ERBIN: variants seen among roughly 807,000 people sequenced by gnomAD.
The protein encoded by ERBIN is densin-180-like protein.
A neutral mutation model predicts 158.4 loss-of-function variants in ERBIN; 60 were observed. The observed-to-expected ratio is 0.38, with a 90% confidence interval of 0.31 to 0.47. The LOEUF (loss-of-function observed/expected upper bound fraction) is 0.47, where lower values mean the gene tolerates loss of function less well. ERBIN is among the 20% of genes least tolerant of loss of function. The pLI is 0.99. For missense variants in ERBIN, 1,610 were observed against 1,648.0 expected (o/e 0.98, Z 0.40); for synonymous variants, 594 against 557.2 (o/e 1.07, Z -0.93).
intron 25 of ERBIN, among the ~76,000 whole-genome samples, chr5:66,077,883 G>GT (rs201570645): frequency 0.017 from 2,658 of 151,942 alleles, 80 homozygotes; most frequent in African/African-American, 0.061. Flanking sequence ...GACTGAGCAA[G>GT]TTACTTTGCC....
At position 65,935,552 on chromosome 5, in the gene ERBIN, C is replaced by T. The variant is rs148217967; in HGVS notation, c.-58+8746C>T. ...ACTGTAAAAAGGCAAGTTTTAATTC[C>T]GTGATAAAGTACATTTATGTGAAAT... On this transcript the variant is annotated intron_variant, in intron 1 of 25. Coordinates refer to ENST00000284037, the MANE Select transcript of ERBIN (RefSeq NM_001253697.2). Among the ~76,000 whole-genome samples, 9 of 152,172 alleles carry T rather than the reference C, an allele frequency of 5.9e-5. No homozygotes were observed. The East Asian group carries it at 1.4e-3, about 23-fold the overall frequency.
At chr5:65,929,001 C>G (rs1289559033) in intron 1 of ERBIN, among the ~76,000 whole-genome samples, 1 of 152,150 alleles carries the variant, frequency 6.6e-6, no homozygotes, top group East Asian at 1.9e-4. Flanking sequence ...CTTAAAGGCT[C>G]TGTTTATTGA....
At chr5:66,013,114 G>A (rs1292888444) in intron 5 of ERBIN, among the ~76,000 whole-genome samples, 3 of 152,140 alleles carry the variant, frequency 2.0e-5, no homozygotes, top group African/African-American at 7.2e-5. Context: ...ACATCCTATA[G>A]TGCACAGGGC....
At position 66,080,966 on chromosome 5, in the gene ERBIN, A is replaced by G. The variant is rs1461735478; in HGVS notation, c.*2436A>G. On this transcript the variant is annotated 3_prime_UTR_variant, in exon 26 of 26. Coordinates refer to ENST00000284037, the MANE Select transcript of ERBIN (RefSeq NM_001253697.2). ...AATTAAATGACAAGGACTTTGAATT[A>G]GAATTTTGCTGTAATAAAGTTTCAA... 6.6e-6 allele frequency: 1 copy of G among 152,090 alleles called. No homozygotes were observed. Among genetic ancestry groups the G allele is most frequent in the Non-Finnish European group, 1.5e-5 (1 of 67,910 alleles). 9.4% of individuals were successfully genotyped at this position (152,090 alleles called of 1,614,324 possible).
At chr5:65,977,332 C>CG (rs1054067585) in intron 1 of ERBIN, among the ~76,000 whole-genome samples, 3 of 103,094 alleles carry the variant, frequency 2.9e-5, no homozygotes, top group Non-Finnish European at 6.5e-5. Context: ...AGGTGGCTGC[C>CG]GGGCGGAGAT....
intron 14 of ERBIN, among the ~76,000 whole-genome samples, chr5:66,032,023 G>GA (rs141762105): frequency 3.3e-5 from 5 of 149,432 alleles, no homozygotes; most frequent in South Asian, 2.1e-4. Context: ...AAGATTTAAA[G>GA]AAAAAAAAAG....
chr5:66,062,075 A>T (rs935576937), intron 21 of ERBIN, among the ~76,000 whole-genome samples: 4 of 151,768 alleles, frequency 2.6e-5, no homozygotes, highest in Non-Finnish European at 5.9e-5. Context: ...TATTTCCTGA[A>T]TTTGAATGTT....
intron 1 of ERBIN, among the ~76,000 whole-genome samples, chr5:65,965,952 C>A (rs1748571770): frequency 6.6e-6 from 1 of 152,182 alleles, no homozygotes; most frequent in Non-Finnish European, 1.5e-5. Flanking sequence ...GAAGCATCAT[C>A]ACATGCAAAT....
intron 14 of ERBIN, among the ~76,000 whole-genome samples, chr5:66,030,871 T>G (rs966260863): frequency 6.6e-6 from 1 of 152,158 alleles, no homozygotes; most frequent in South Asian, 2.1e-4. Flanking sequence ...ATGCCTGGCC[T>G]GCAGTAGCAC....
intron 14 of ERBIN, 94 bp downstream of exon 14, chr5:66,028,437 A>G: frequency 1.2e-6 from 1 of 862,768 alleles, no homozygotes; most frequent in South Asian, 1.6e-5. Context: ...GAGCAGCTAT[A>G]CATGTGGTAC....
intron 1 of ERBIN, among the ~76,000 whole-genome samples, chr5:65,946,629 T>G (rs1745781667): frequency 6.6e-6 from 1 of 152,162 alleles, no homozygotes; most frequent in African/African-American, 2.4e-5. Flanking sequence ...AACATCCCAG[T>G]TTTCACTGGG....
chr5:66,067,709 C>T (rs1224122919), intron 21 of ERBIN, among the ~76,000 whole-genome samples: 1 of 152,044 alleles, frequency 6.6e-6, no homozygotes, highest in East Asian at 1.9e-4. Context: ...GAAAATTTGC[C>T]ACACATTTTC....
intron 1 of ERBIN, among the ~76,000 whole-genome samples, chr5:65,978,033 C>A (rs1255852472): frequency 6.6e-6 from 1 of 152,008 alleles, no homozygotes; most frequent in African/African-American, 2.4e-5. Context: ...GATTTAATTT[C>A]CCTGTCATAT....
At chr5:66,037,227 G>A (rs542797503) in intron 14 of ERBIN, among the ~76,000 whole-genome samples, 1 of 151,946 alleles carries the variant, frequency 6.6e-6, no homozygotes, top group African/African-American at 2.4e-5. Flanking sequence ...GGAAAAATTT[G>A]GTGTAAAAGA....
intron 1 of ERBIN, among the ~76,000 whole-genome samples, chr5:65,944,568 A>G (rs1200328052): frequency 1.3e-5 from 2 of 151,746 alleles, no homozygotes; most frequent in Admixed American, 6.6e-5. Context: ...CCCTACCTGG[A>G]TAATTTTTGT....
chr5:66,077,346 G>C (rs1219631841), intron 25 of ERBIN, among the ~76,000 whole-genome samples: 1 of 151,894 alleles, frequency 6.6e-6, no homozygotes, highest in Admixed American at 6.6e-5. Context: ...TGTTCATTCA[G>C]CTACTCATTT....
chr5:66,006,452 C>CT (rs1189350397), intron 4 of ERBIN, among the ~76,000 whole-genome samples: 1 of 152,080 alleles, frequency 6.6e-6, no homozygotes, highest in African/African-American at 2.4e-5. Flanking sequence ...AGAAGAAAAC[C>CT]TAGGCAATAC....
chr5:66,026,480 CAT>C (rs1391313940), intron 13 of ERBIN, 63 bp downstream of exon 13: 2 of 864,996 alleles, frequency 2.3e-6, no homozygotes, highest in Non-Finnish European at 3.6e-6. Context: ...AATTAAGTTT[CAT>C]ATGATATATA....
chr5:66,016,636 C>T (rs937921940), intron 7 of ERBIN, among the ~76,000 whole-genome samples: 2 of 141,538 alleles, frequency 1.4e-5, no homozygotes, highest in Admixed American at 7.2e-5. Context: ...TTTTTTGAGA[C>T]GGAGTCTCTC....
Sources: allele counts gnomAD v4.1 joint callset (sites outside exome capture counted in the v4.1 genomes callset), GRCh38; gene constraint gnomAD v4.1.1; transcripts MANE v1.5; gene names NCBI Gene and HGNC (gene_info 2026-07-23, HGNC 2026-07-21).